CD59: variants seen among roughly 807,000 people sequenced by gnomAD.
CD59 encodes the protein CD59 glycoprotein.
CD59 carries 3 observed loss-of-function variants against 7.0 expected under a neutral mutation model. The ratio of observed to expected loss-of-function variants is 0.43; its 90% CI spans 0.19 to 1.10. The LOEUF (loss-of-function observed/expected upper bound fraction) is 1.10. Ranked by LOEUF, CD59 falls within the 50% of genes least tolerant of loss-of-function variation. CD59 has a pLI of 0.29. For synonymous variants in CD59, 60 were observed against 62.0 expected, an observed-to-expected ratio of 0.97 and a Z score of 0.15; for missense variants, 143 against 151.0, an observed-to-expected ratio of 0.95 and a Z score of 0.28.
Position 33,716,364 on chromosome 11 carries a change from T to C in CD59, c.169+1006A>G, listed in dbSNP as rs1160318754. Among the ~76,000 whole-genome samples the C allele has an allele frequency of 7.2e-5, 11 of 152,328 alleles. No homozygotes were observed. The East Asian group carries it at 2.1e-3, about 29-fold the overall frequency. On this transcript the variant is annotated intron_variant, in intron 3 of 3. Coordinates refer to ENST00000642928, the MANE Select transcript of CD59 (RefSeq NM_000611.6). ...GGGTGTCCCAAGGCTTTTCTGAGTTTACCTGACATGTTCACCATTTCTTGA... is the reference window on the plus strand; with the variant it reads ...GGGTGTCCCAAGGCTTTTCTGAGTTCACCTGACATGTTCACCATTTCTTGA...
chr11:33,735,693 G>T (rs959002363), intron 1 of CD59, among the ~76,000 whole-genome samples: 1 of 152,100 alleles, frequency 6.6e-6, no homozygotes, highest in African/African-American at 2.4e-5. Context: ...GGAGGCGGGC[G>T]GATCACGAGG....
At chr11:33,717,757 T>C (rs1048932064) in intron 2 of CD59, 17 of 401,094 alleles carry the variant, frequency 4.2e-5, no homozygotes, top group African/African-American at 3.1e-4. Flanking sequence ...TAGTCTGCAA[T>C]GTAATGATGT....
In CD59 at chr11:33,734,042, G is replaced by A. The variant is rs145227684; in HGVS notation, c.-19+2340C>T. ...CCCTGGATGGATCTTGTTTCTATTC[G>A]CCAGGGGCTGGCAACTCACAAGATA... On this transcript the variant is annotated intron_variant, in intron 1 of 3. Coordinates refer to ENST00000642928, the MANE Select transcript of CD59 (RefSeq NM_000611.6). 1.7e-3 allele frequency among the ~76,000 whole-genome samples: 262 copies of A among 152,298 alleles called. 1 individual carries two copies. The highest frequency in any genetic ancestry group is 0.013 in the South Asian group (65 of 4,828).
chr11:33,724,279 A>AC (rs1854185383), intron 1 of CD59, among the ~76,000 whole-genome samples: 1 of 152,262 alleles, frequency 6.6e-6, no homozygotes. Context: ...TCACACTGCC[A>AC]CAACACACAG....
At chr11:33,727,601 G>T (rs1199215209) in intron 1 of CD59, among the ~76,000 whole-genome samples, 2 of 152,266 alleles carry the variant, frequency 1.3e-5, no homozygotes, top group Admixed American at 1.3e-4. Context: ...CATTCCCCTT[G>T]AAAACTGGCA....
intron 1 of CD59, among the ~76,000 whole-genome samples, chr11:33,730,615 G>A (rs570668677): frequency 2.6e-5 from 4 of 152,302 alleles, no homozygotes; most frequent in Non-Finnish European, 5.9e-5. Flanking sequence ...CTACTTATCA[G>A]CAGGGATATG....
At chr11:33,724,158 CGGAAGGAGGAA>C (rs1854180750) in intron 1 of CD59, among the ~76,000 whole-genome samples, 1 of 152,110 alleles carries the variant, frequency 6.6e-6, no homozygotes, top group Non-Finnish European at 1.5e-5. Flanking sequence ...GGCATCCCCA[CGGAAGGAGGAA>C]GGAAGGAATC....
chr11:33,735,730 AC>A (rs1281936844), intron 1 of CD59, among the ~76,000 whole-genome samples: 1 of 145,774 alleles, frequency 6.9e-6, no homozygotes, highest in African/African-American at 2.8e-5. Flanking sequence ...AGCCTGACCA[AC>A]ATGGGAAAAC....
At chr11:33,733,936 G>A (rs575967206) in intron 1 of CD59, among the ~76,000 whole-genome samples, 1 of 152,284 alleles carries the variant, frequency 6.6e-6, no homozygotes, top group East Asian at 1.9e-4. Context: ...AAAACCCAAT[G>A]TTTTTATTTT....
In CD59 at chr11:33,703,873, G is replaced by A. The variant is rs1000917536; in HGVS notation, c.*6253C>T. The A allele has an allele frequency of 1.2e-4, 19 of 152,368 alleles. No individual in the cohort carries two copies. Among genetic ancestry groups the A allele is most frequent in the African/African-American group, 2.9e-4 (12 of 41,566 alleles). 9.4% of individuals were successfully genotyped at this position (152,368 alleles called of 1,614,324 possible). A position where few individuals can be genotyped will look rare whatever the true frequency, so the allele number is the denominator to read the frequency against. On this transcript the variant is annotated 3_prime_UTR_variant, in exon 4 of 4. Coordinates refer to ENST00000642928, the MANE Select transcript of CD59 (RefSeq NM_000611.6). ...AGCATTCTTCACTCTCTATTTAACC[G>A]AGGCTGACTCATTGCAGTTGGCACT...
rs138053542 is a variant in CD59, at chr11:33,708,355, G to A, written c.*1771C>T. On this transcript the variant is annotated 3_prime_UTR_variant, in exon 4 of 4. Coordinates refer to ENST00000642928, the MANE Select transcript of CD59 (RefSeq NM_000611.6). ...TAGTCTGGCCAAAAAGTGGGTACAT[G>A]ACACAAGATAGCAGTAAGCCAATCT... The A allele has an allele frequency of 6.6e-6, 1 of 152,172 alleles. No homozygotes were observed. Among genetic ancestry groups the A allele is most frequent in the African/African-American group, 2.4e-5 (1 of 41,504 alleles). The allele number at this position is 152,172 out of a possible 1,614,324, so 9.4% of individuals were successfully genotyped here.
chr11:33,724,188 C>T (rs959211791), intron 1 of CD59, among the ~76,000 whole-genome samples: 3 of 152,202 alleles, frequency 2.0e-5, no homozygotes, highest in East Asian at 1.9e-4. Context: ...TCTCCTGACT[C>T]GGGTTAGGCA....
At chr11:33,710,734 TTA>T (rs1853512155) in intron 3 of CD59, among the ~76,000 whole-genome samples, 1 of 151,542 alleles carries the variant, frequency 6.6e-6, no homozygotes, top group Non-Finnish European at 1.5e-5. Flanking sequence ...TTTTTTTTTT[TTA>T]GAGAGATAAG....
intron 1 of CD59, among the ~76,000 whole-genome samples, chr11:33,724,871 T>C (rs1223021467): frequency 1.3e-5 from 2 of 151,722 alleles, no homozygotes; most frequent in Non-Finnish European, 2.9e-5. Flanking sequence ...TATGTGTAGA[T>C]GCCAAGGTCG....
rs1853613894 is a variant in CD59, at chr11:33,712,728, T to TA, written c.170-2386dup. On this transcript the variant is annotated intron_variant, in intron 3 of 3. Transcript: ENST00000642928. ...GCGATAAGTCATACAACCTTGTAAA[T>TA]ATACTAAGAGCCACTGAATTATACA... Among the ~76,000 whole-genome samples, 3 of 152,334 alleles carry TA rather than the reference T, an allele frequency of 2.0e-5. No homozygotes were observed. In the East Asian group the frequency reaches 5.8e-4, roughly 29 times the overall value.
Position 33,736,412 on chromosome 11 carries a change from C to G in CD59, c.-49G>C, listed in dbSNP as rs1309673454. 1.3e-5 allele frequency: 2 copies of G among 152,680 alleles called. No homozygotes were observed. The highest frequency in any genetic ancestry group is 2.9e-5 in the Non-Finnish European group (2 of 68,328). The allele number at this position is 152,680 out of a possible 1,614,324, so 9.5% of individuals were successfully genotyped here. A position where few individuals can be genotyped will look rare whatever the true frequency, so the allele number is the denominator to read the frequency against. On this transcript the variant is annotated 5_prime_UTR_variant, in exon 1 of 4. Transcript: ENST00000642928. The surrounding 1 kb of genome is among the most constrained non-coding windows in gnomAD (Gnocchi z 4.4). ...GGCGCCCAAGATCCTCTTCCAGCCT[C>G]GAGCCGCTTCTGCGCTCAGCCCCCG...
chr11:33,728,779 A>G (rs1839896607), intron 1 of CD59, among the ~76,000 whole-genome samples: 1 of 152,232 alleles, frequency 6.6e-6, no homozygotes, highest in African/African-American at 2.4e-5. Flanking sequence ...CCATCTGACA[A>G]AGGGCTAATA....
chr11:33,710,115 C>A lies in CD59; in HGVS notation c.*11G>T. The A allele has an allele frequency of 6.2e-7, 1 of 1,602,970 alleles. No homozygotes were observed. Among genetic ancestry groups the A allele is most frequent in the East Asian group, 2.2e-5 (1 of 44,736 alleles). ...AACGGGGAGTTTGGGAGAAGCTCTC[C>A]TGGTGTTGACTTAGGGATGAAGGCT... is the stretch of plus-strand genomic sequence containing the variant. On this transcript the variant is annotated 3_prime_UTR_variant, in exon 4 of 4. Transcript: ENST00000642928.
chr11:33,712,421 T>C (rs1443959045), intron 3 of CD59, among the ~76,000 whole-genome samples: 1 of 152,266 alleles, frequency 6.6e-6, no homozygotes, highest in Admixed American at 6.5e-5. Context: ...AAATGTGATA[T>C]ATCCACACAA....
Sources: allele counts gnomAD v4.1 joint callset (sites outside exome capture counted in the v4.1 genomes callset), GRCh38; gene constraint gnomAD v4.1.1; non-coding constraint Gnocchi (gnomAD v3.1); transcripts MANE v1.5; gene names NCBI Gene and HGNC (gene_info 2026-07-23, HGNC 2026-07-21).